The following MCF2 variants were observed in gnomAD, a reference collection of about 807,000 sequenced individuals.
MCF2 encodes the protein MCF.2 cell line derived transforming sequence, also known as proto-oncogene DBL.
A neutral mutation model predicts 82.5 loss-of-function variants in MCF2; 44 were observed. The observed-to-expected ratio is 0.53, with a 90% CI of 0.42 to 0.69. The LOEUF is 0.69. Among genes scored for constraint, MCF2 ranks in the 30% least tolerant of loss-of-function variants. The pLI is 0.00. For missense variants in MCF2, 623 were observed against 663.1 expected (o/e 0.94, Z 0.66); for synonymous variants, 217 against 224.9 (o/e 0.96, Z 0.32).
intron 1 of MCF2, among the ~76,000 whole-genome samples, chrX:139,656,976 GAT>G (rs1934218852): frequency 9.0e-6 from 1 of 111,696 alleles, no homozygotes. Flanking sequence ...ACTACTCACA[GAT>G]AAAAAGGATT....
chrX:139,588,946 T>C (rs1000868853), intron 20 of MCF2, among the ~76,000 whole-genome samples: 9 of 110,599 alleles, frequency 8.1e-5, no homozygotes, highest in Non-Finnish European at 1.7e-4. Flanking sequence ...AAAAAATCCA[T>C]TTTGAAATTG....
intron 1 of MCF2, chrX:139,692,275 G>A: frequency 7.9e-6 from 3 of 381,744 alleles, no homozygotes; most frequent in Non-Finnish European, 8.9e-6. Flanking sequence ...AGGCACTGCC[G>A]GAGGGGTACA....
chrX:139,608,177 A>T (rs1273882589), intron 11 of MCF2, among the ~76,000 whole-genome samples: 1 of 111,149 alleles, frequency 9.0e-6, no homozygotes, highest in Non-Finnish European at 1.9e-5. Flanking sequence ...CTTTAATCAA[A>T]GACACACGAC....
chrX:139,605,098 G>T (rs1230080229), intron 13 of MCF2, 114 bp from the exon 18 acceptor site: 5 of 275,685 alleles, frequency 1.8e-5, no homozygotes, highest in East Asian at 1.2e-4. Context: ...GAAGTTTTTT[G>T]AATTTTATTT....
chrX:139,673,642 A>T (rs763452520), intron 1 of MCF2, among the ~76,000 whole-genome samples: 2 of 112,015 alleles, frequency 1.8e-5, no homozygotes, highest in South Asian at 7.5e-4. Flanking sequence ...GAGTTTCTTA[A>T]TCCTGAGTTC....
intron 1 of MCF2, among the ~76,000 whole-genome samples, chrX:139,668,871 A>G (rs1934602270): frequency 9.0e-6 from 1 of 111,042 alleles, no homozygotes; most frequent in Admixed American, 9.6e-5. Context: ...TGTCATATAT[A>G]TATGTATATA....
intron 2 of MCF2, 66 bp downstream of exon 2, chrX:139,651,654 G>C (rs1934019388): frequency 1.6e-6 from 1 of 625,792 alleles, no homozygotes; most frequent in East Asian, 3.6e-5. Flanking sequence ...TTATATAATA[G>C]GTACCAAACT....
At chrX:139,653,821 T>C (rs1327245719) in intron 1 of MCF2, among the ~76,000 whole-genome samples, 1 of 111,189 alleles carries the variant, frequency 9.0e-6, no homozygotes, top group Non-Finnish European at 1.9e-5. Context: ...CAGCCTCTGG[T>C]AACCACCAAT....
intron 1 of MCF2, among the ~76,000 whole-genome samples, chrX:139,696,407 CTTTTTGTTTGAGACAGAGTCTTTTG>C (rs1363060913): frequency 2.4e-4 from 25 of 104,472 alleles, no homozygotes; most frequent in Middle Eastern, 5.2e-3. Context: ...CTCTTCTTTT[CTTTTTGTTTGAGACAGAGTCTTTTG>C]TTTTTGTTTG....
chrX:139,692,379 C>T (rs1318383098), intron 1 of MCF2, among the ~76,000 whole-genome samples: 2 of 110,140 alleles, frequency 1.8e-5, no homozygotes, highest in African/African-American at 3.3e-5. Flanking sequence ...GAGAGCTCCG[C>T]GCGCGCGGAG....
chrX:139,613,409 C>G (rs1286354891), intron 10 of MCF2, 146 bp from the exon 14 acceptor site: 1 of 424,766 alleles, frequency 2.4e-6, no homozygotes, highest in Non-Finnish European at 4.0e-6. Flanking sequence ...CCAAGGTGTA[C>G]CACTTTAAGA....
chrX:139,595,746 TA>T (rs1389419984), intron 19 of MCF2, among the ~76,000 whole-genome samples: 1 of 108,146 alleles, frequency 9.2e-6, no homozygotes, highest in African/African-American at 3.4e-5. Context: ...AATAAAAAAA[TA>T]AAAAATAAAA....
Position 139,617,634 on chromosome X carries a change from A to T in MCF2, c.878T>A (p.Leu293His), listed in dbSNP as rs1372545840. Reference sequence around the variant, plus strand: ...ATTGCACCTCTGGCAGATTAAATCAAGTGCATAATGGTGATTTGCTGCAAG... The same window carrying T: ...ATTGCACCTCTGGCAGATTAAATCATGTGCATAATGGTGATTTGCTGCAAG... Residue 293 changes from leucine to histidine, a missense_variant, in exon 8 of 25, where the codon CTT (leucine) becomes CAT (histidine). Leu to His is a moderately conservative substitution (Grantham distance 99, BLOSUM62 -3). Transcript: ENST00000370576. 3 of 1,206,206 alleles carry T rather than the reference A, an allele frequency of 2.5e-6. No homozygotes were observed. In the East Asian group the frequency reaches 8.9e-5, roughly 36 times the overall value.
chrX:139,642,530 G>A (rs2148514724), exon 1 of MCF2: 53 of 1,210,394 alleles, frequency 4.4e-5, no homozygotes, highest in Non-Finnish European at 5.9e-5. Flanking sequence ...TCGCCTGTAC[G>A]CAATTACACT....
intron 1 of MCF2, among the ~76,000 whole-genome samples, chrX:139,641,650 T>C (rs1933574150): frequency 9.0e-6 from 1 of 111,603 alleles, no homozygotes; most frequent in South Asian, 3.7e-4. Flanking sequence ...AATAACATTA[T>C]ATTAATCTTT....
At chrX:139,619,335 T>G (rs1454423541) in intron 7 of MCF2, among the ~76,000 whole-genome samples, 1 of 110,297 alleles carries the variant, frequency 9.1e-6, no homozygotes, top group Non-Finnish European at 1.9e-5. Flanking sequence ...AATGTTGTTA[T>G]GATGGGAGGA....
intron 1 of MCF2, among the ~76,000 whole-genome samples, chrX:139,634,266 A>T (rs1342913523): frequency 8.9e-6 from 1 of 112,175 alleles, no homozygotes; most frequent in Non-Finnish European, 1.9e-5. Context: ...CAATACTAGT[A>T]ATTAAACAAA....
At chrX:139,634,389 TTAAAA>T (rs1187429336) in intron 1 of MCF2, among the ~76,000 whole-genome samples, 2 of 111,544 alleles carry the variant, frequency 1.8e-5, no homozygotes, top group Non-Finnish European at 3.8e-5. Context: ...AAAGTCTATT[TTAAAA>T]TAAAAGAAAA....
chrX:139,666,758 T>G (rs1368683781), intron 1 of MCF2, among the ~76,000 whole-genome samples: 5 of 112,045 alleles, frequency 4.5e-5, no homozygotes, highest in Non-Finnish European at 7.5e-5. Flanking sequence ...AATCTCTTGC[T>G]AGGGTTGGAA....
Sources: gnomAD v4.1 joint callset for allele counts (sites outside exome capture counted in the v4.1 genomes callset) on GRCh38, gnomAD v4.1.1 for gene constraint, MANE v1.5 for transcripts, NCBI Gene and HGNC (gene_info 2026-07-23, HGNC 2026-07-21) for gene names.